SLC39A11: variants seen among roughly 807,000 people sequenced by gnomAD.
SLC39A11 encodes zinc transporter ZIP11.
Under a neutral mutation model 36.1 loss-of-function variants are expected in SLC39A11, and 33 were observed. That is an observed-to-expected ratio of 0.91 (90% CI 0.69 to 1.22). The LOEUF is 1.22. Ranked by LOEUF, SLC39A11 falls within the 50% of genes most tolerant of loss-of-function variation. The probability of loss-of-function intolerance (pLI) is 0.00; values close to 1 mark genes in which losing one functional copy is unlikely to be tolerated. For synonymous variants in SLC39A11, 166 were observed against 170.3 expected (o/e 0.97, Z 0.20); for missense variants, 432 against 430.3 (o/e 1.00, Z -0.03).
In SLC39A11 at chr17:72,783,403, A is replaced by G. The variant is rs548092076; in HGVS notation, c.602-46684T>C. Among the ~76,000 whole-genome samples, 3 of 152,278 alleles carry G rather than the reference A, an allele frequency of 2.0e-5. No individual in the cohort carries two copies. The South Asian group carries it at 6.2e-4, about 32-fold the overall frequency. ...GCTGTGATCACACACGCCCCTTCCT[A>G]TCACCAGCCAGGACCTCCCTTCTGA... On this transcript the variant is annotated intron_variant, in intron 6 of 9. Transcript: ENST00000255559.
At chr17:72,893,102 A>G (rs2081842130) in intron 5 of SLC39A11, among the ~76,000 whole-genome samples, 2 of 152,172 alleles carry the variant, frequency 1.3e-5, no homozygotes, top group Admixed American at 1.3e-4. Context: ...AATACCCACT[A>G]CCAACTTCCC....
intron 5 of SLC39A11, among the ~76,000 whole-genome samples, chr17:72,852,604 C>T (rs12937591): frequency 0.37 from 56,433 of 152,054 alleles, 10,777 homozygotes; most frequent in East Asian, 0.67. Flanking sequence ...TGTGTATGTG[C>T]GTGTGGGTGC....
chr17:72,753,546 G>A (rs894884860), intron 6 of SLC39A11, among the ~76,000 whole-genome samples: 3 of 152,164 alleles, frequency 2.0e-5, no homozygotes, highest in Non-Finnish European at 4.4e-5. Flanking sequence ...ATCTCCAGCT[G>A]AACATACTGC....
At position 73,007,490 on chromosome 17, in the gene SLC39A11, A is replaced by G. The variant is rs540973726; in HGVS notation, c.306+24066T>C. Among the ~76,000 whole-genome samples, 26 of 152,326 alleles carry G rather than the reference A, an allele frequency of 1.7e-4. No homozygotes were observed. In the South Asian group the frequency reaches 5.0e-3, roughly 29 times the overall value. On this transcript the variant is annotated intron_variant, in intron 4 of 9. Transcript: ENST00000255559. ...GCCATCATCATCATGGACTAATGAC[A>G]ATGGCCAAAACCTGAAAAGGAAGGA...
rs558551282 is a variant in SLC39A11, at chr17:73,077,775, AT to A, written c.147+7032del. Among the ~76,000 whole-genome samples the A allele has an allele frequency of 2.9e-3, 437 of 152,158 alleles. 2 individuals carry two copies. The highest frequency in any genetic ancestry group is 4.6e-3 in the Non-Finnish European group (316 of 68,000). ...TTCGTGATAACACACTGGCCTTGTG[AT>A]TTTTTTTAAGGAAATTACATCTTAA... On this transcript the variant is annotated intron_variant, in intron 3 of 9. Transcript: ENST00000255559.
chr17:72,852,223 A>AAAAAAC (rs2079381377), intron 5 of SLC39A11, among the ~76,000 whole-genome samples: 1 of 149,460 alleles, frequency 6.7e-6, no homozygotes, highest in African/African-American at 2.4e-5. Flanking sequence ...AAAAAAAAAA[A>AAAAAAC]AAAAACAGAA....
intron 6 of SLC39A11, among the ~76,000 whole-genome samples, chr17:72,814,225 T>C (rs1469819884): frequency 2.0e-5 from 3 of 152,214 alleles, no homozygotes; most frequent in African/African-American, 7.2e-5. Context: ...ATACTGAGTA[T>C]TTCTATCACT....
rs150899291 is a variant in SLC39A11, at chr17:73,000,213, C to T, written c.306+31343G>A. 5.3e-3 allele frequency among the ~76,000 whole-genome samples: 798 copies of T among 151,942 alleles called. 8 individuals carry two copies. Among genetic ancestry groups the T allele is most frequent in the African/African-American group, 0.019 (766 of 41,338 alleles). On this transcript the variant is annotated intron_variant, in intron 4 of 9. Coordinates refer to ENST00000255559, the MANE Select transcript of SLC39A11 (RefSeq NM_139177.4). ...AAGGCAGCAAAATCAGCTGAGGGAT[C>T]CATTTCTCCCCTCCCCCATTCCCCT...
Position 72,736,332 on chromosome 17 carries a change from G to C in SLC39A11, c.671+318C>G, listed in dbSNP as rs191869466. Among the ~76,000 whole-genome samples, 37 of 152,328 alleles carry C rather than the reference G, an allele frequency of 2.4e-4. No homozygotes were observed. In the East Asian group the frequency reaches 6.9e-3, roughly 29 times the overall value. On this transcript the variant is annotated intron_variant, in intron 7 of 9. Coordinates refer to ENST00000255559, the MANE Select transcript of SLC39A11 (RefSeq NM_139177.4). ...GCTTCAAAAAGGAAAGGCCTGAAGA[G>C]TGTCAGCGGCTGCCTTTGTTTTTTG...
intron 7 of SLC39A11, among the ~76,000 whole-genome samples, chr17:72,721,637 T>C (rs1326018139): frequency 6.6e-6 from 1 of 151,894 alleles, no homozygotes; most frequent in African/African-American, 2.4e-5. Flanking sequence ...GAAAGGCCCT[T>C]GTCATGATGA....
chr17:72,852,228 A>AAAAAAAAAC lies in SLC39A11; in HGVS notation c.431-2425_431-2424insGTTTTTTTT, dbSNP rs1491123331. Among the ~76,000 whole-genome samples, 208 of 134,846 alleles carry AAAAAAAAAC rather than the reference A, an allele frequency of 1.5e-3. 4 individuals are homozygous for AAAAAAAAAC. The highest frequency in any genetic ancestry group is 2.9e-3 in the Non-Finnish European group (178 of 61,572). 88.5% of individuals were successfully genotyped at this position (134,846 alleles called of 152,430 possible). On this transcript the variant is annotated intron_variant, in intron 5 of 9. Coordinates refer to ENST00000255559, the MANE Select transcript of SLC39A11 (RefSeq NM_139177.4). ...TCAAAAAAAAAAAAAAAAAAAAAAA[A>AAAAAAAAAC]CAGAAAGAAAGAAAGAAAATCATTT...
At chr17:73,005,461 G>A (rs1340996825) in intron 4 of SLC39A11, among the ~76,000 whole-genome samples, 2 of 152,148 alleles carry the variant, frequency 1.3e-5, no homozygotes, top group African/African-American at 4.8e-5. Context: ...TAACCCTCAT[G>A]GCCACCCTCT....
At chr17:72,939,225 C>A (rs2084945261) in intron 5 of SLC39A11, among the ~76,000 whole-genome samples, 2 of 152,146 alleles carry the variant, frequency 1.3e-5, no homozygotes, top group African/African-American at 4.8e-5. Flanking sequence ...CTCCGGGAGG[C>A]CGAGGTGGGT....
intron 6 of SLC39A11, among the ~76,000 whole-genome samples, chr17:72,812,876 T>C (rs1052988489): frequency 4.6e-5 from 7 of 152,342 alleles, no homozygotes; most frequent in South Asian, 2.1e-4. Context: ...CTTTTGGTGA[T>C]AGCATCCCGC....
chr17:73,060,820 G>A (rs1020539827), intron 3 of SLC39A11, among the ~76,000 whole-genome samples: 7 of 152,138 alleles, frequency 4.6e-5, no homozygotes, highest in African/African-American at 1.7e-4. Flanking sequence ...CAGTTATTAT[G>A]TTAAATGGTT....
At chr17:72,884,050 G>C (rs892825241) in intron 5 of SLC39A11, among the ~76,000 whole-genome samples, 1 of 152,168 alleles carries the variant, frequency 6.6e-6, no homozygotes, top group South Asian at 2.1e-4. Flanking sequence ...AGCTACTTGG[G>C]AGGCTGAAGT....
intron 6 of SLC39A11, among the ~76,000 whole-genome samples, chr17:72,799,312 G>A (rs1195542770): frequency 6.6e-6 from 1 of 152,140 alleles, no homozygotes; most frequent in Non-Finnish European, 1.5e-5. Flanking sequence ...TGTGTTAACT[G>A]TACAAATTGA....
intron 7 of SLC39A11, among the ~76,000 whole-genome samples, chr17:72,658,437 A>C (rs997991522): frequency 6.6e-6 from 1 of 152,210 alleles, no homozygotes; most frequent in Admixed American, 6.5e-5. Context: ...GGCAACAGGA[A>C]GAAAGGCATC....
In SLC39A11 at chr17:72,945,180, T is replaced by A. The variant is rs993785843; in HGVS notation, c.430+2572A>T. The stretch of plus-strand genomic sequence containing the variant: ...TGAGAATAGCTGATATCAGAAAACA[T>A]TGCACACTAAGACCTAAATAGGAAA... On this transcript the variant is annotated intron_variant, in intron 5 of 9. Coordinates refer to ENST00000255559, the MANE Select transcript of SLC39A11 (RefSeq NM_139177.4). Among the ~76,000 whole-genome samples, 3 of 152,100 alleles carry A rather than the reference T, an allele frequency of 2.0e-5. No individual in the cohort carries two copies. In the East Asian group the frequency reaches 5.8e-4, roughly 29 times the overall value.
Sources: gnomAD v4.1 joint callset for allele counts (sites outside exome capture counted in the v4.1 genomes callset) on GRCh38, gnomAD v4.1.1 for gene constraint, MANE v1.5 for transcripts, NCBI Gene and HGNC (gene_info 2026-07-23, HGNC 2026-07-21) for gene names.